Variants in TMEM131L observed in about 807,000 individuals in gnomAD.
The protein encoded by TMEM131L is transmembrane 131 like, also known as transmembrane protein 131-like.
In TMEM131L, 54 loss-of-function variants were observed where a neutral mutation model predicts 192.2. The observed-to-expected ratio is 0.28, with a 90% CI of 0.23 to 0.35. The LOEUF (loss-of-function observed/expected upper bound fraction) is 0.35. Among genes scored for constraint, TMEM131L ranks in the 10% least tolerant of loss-of-function variants. The probability of loss-of-function intolerance (pLI) is 1.00; values close to 1 mark genes in which losing one functional copy is unlikely to be tolerated. For missense variants in TMEM131L, 1,888 were observed against 1,972.9 expected, an observed-to-expected ratio of 0.96 and a Z score of 0.82; for synonymous variants, 701 against 704.9, an observed-to-expected ratio of 0.99 and a Z score of 0.09.
At chr4:153,627,363 T>C (rs566542955) in intron 30 of TMEM131L, among the ~76,000 whole-genome samples, 2 of 152,264 alleles carry the variant, frequency 1.3e-5, no homozygotes, top group Non-Finnish European at 2.9e-5. Context: ...CTCATAGTTA[T>C]GTTAGTTAAT....
At chr4:153,536,856 C>T (rs1029249934) in intron 3 of TMEM131L, among the ~76,000 whole-genome samples, 6 of 152,106 alleles carry the variant, frequency 3.9e-5, no homozygotes, top group African/African-American at 1.4e-4. Flanking sequence ...AGTCCCAAAG[C>T]TGAAGAACTT....
At chr4:153,474,845 C>T (rs1034947886) in intron 3 of TMEM131L, among the ~76,000 whole-genome samples, 12 of 152,050 alleles carry the variant, frequency 7.9e-5, no homozygotes, top group African/African-American at 2.4e-4. Flanking sequence ...CATGAGCCAC[C>T]GCACTCGGTC....
At chr4:153,591,336 A>G (rs1731053593) in intron 17 of TMEM131L, 142 bp downstream of exon 17, 1 of 650,242 alleles carries the variant, frequency 1.5e-6, no homozygotes, top group Non-Finnish European at 2.4e-6. Context: ...GAGCAGTAAA[A>G]CTCTAAACAG....
At chr4:153,607,060 G>T (rs1037762763) in intron 25 of TMEM131L, among the ~76,000 whole-genome samples, 3 of 152,124 alleles carry the variant, frequency 2.0e-5, no homozygotes, top group African/African-American at 7.2e-5. Context: ...AATTGTTCAA[G>T]AATTTTAAAT....
In TMEM131L at chr4:153,580,911, A is replaced by G; in HGVS notation, c.738+8A>G. 6.4e-7 allele frequency: 1 copy of G among 1,570,660 alleles called. No individual in the cohort carries two copies. Reference sequence around the variant, plus strand: ...GTGTGTCAGCAATTAAAGGTAAAATAAAATGTGTAGTGTTTTCTCTCTGCT... The same window carrying G: ...GTGTGTCAGCAATTAAAGGTAAAATGAAATGTGTAGTGTTTTCTCTCTGCT... On this transcript the variant is annotated splice_region_variant and intron_variant, in intron 8 of 34. Coordinates refer to ENST00000409959, the MANE Select transcript of TMEM131L (RefSeq NM_001131007.2).
chr4:153,515,717 A>G (rs1394300900), intron 3 of TMEM131L, among the ~76,000 whole-genome samples: 1 of 152,214 alleles, frequency 6.6e-6, no homozygotes, highest in Non-Finnish European at 1.5e-5. Context: ...CAGGTAAAGT[A>G]TGATAGTTGC....
intron 31 of TMEM131L, among the ~76,000 whole-genome samples, chr4:153,629,525 T>G (rs1734072355): frequency 2.0e-5 from 3 of 152,240 alleles, no homozygotes; most frequent in Admixed American, 6.5e-5. Flanking sequence ...CTCTCTTGAC[T>G]GCCTTCTTCA....
intron 8 of TMEM131L, 52 bp from the exon 9 acceptor site, chr4:153,581,355 C>T: frequency 6.9e-7 from 1 of 1,441,384 alleles, no homozygotes; most frequent in Non-Finnish European, 9.2e-7. Context: ...TTTGAAACCA[C>T]AAAGTTGAGA....
intron 17 of TMEM131L, 91 bp downstream of exon 17, chr4:153,591,285 A>T (rs17279148): frequency 7.9e-7 from 1 of 1,262,986 alleles, no homozygotes; most frequent in Non-Finnish European, 1.1e-6. Flanking sequence ...TTTAGCTACC[A>T]TTTCAAAGCC....
chr4:153,590,002 T>C (rs1182865342), intron 16 of TMEM131L, among the ~76,000 whole-genome samples: 2 of 152,262 alleles, frequency 1.3e-5, no homozygotes, highest in African/African-American at 4.8e-5. Flanking sequence ...ATACTACCAT[T>C]GCATACCCAA....
Position 153,612,266 on chromosome 4 carries a change from G to T in TMEM131L, c.3433G>T (p.Val1145Leu). ...SRKNNGNNQQ[V>L]PVKNEVDHCE... ...GTTTATTAAAGGGAATAACCAGCAA[G>T]TACCTGTCAAGAATGAAGTAGATCA... Residue 1145 changes from valine (V) to leucine (L), a missense_variant, in exon 26 of 35, where the codon GTA becomes TTA. Val to Leu is a conservative substitution (Grantham distance 32). Coordinates refer to ENST00000409959, the MANE Select transcript of TMEM131L (RefSeq NM_001131007.2). 6.4e-7 allele frequency: 1 copy of T among 1,562,030 alleles called. No homozygotes were observed. Among genetic ancestry groups the T allele is most frequent in the Non-Finnish European group, 8.6e-7 (1 of 1,160,712 alleles).
At chr4:153,618,022 T>C (rs541718693) in intron 26 of TMEM131L, among the ~76,000 whole-genome samples, 6 of 152,342 alleles carry the variant, frequency 3.9e-5, no homozygotes, top group South Asian at 2.1e-4. Context: ...CTTAGTTTGC[T>C]AAGAAACTAA....
intron 3 of TMEM131L, among the ~76,000 whole-genome samples, chr4:153,477,452 A>G (rs1731623871): frequency 6.6e-6 from 1 of 152,126 alleles, no homozygotes; most frequent in Non-Finnish European, 1.5e-5. Context: ...ATTCAGCACT[A>G]GTTTCTTTTT....
intron 3 of TMEM131L, among the ~76,000 whole-genome samples, chr4:153,516,031 C>G (rs1455534547): frequency 6.6e-6 from 1 of 151,802 alleles, no homozygotes; most frequent in Non-Finnish European, 1.5e-5. Context: ...GGTCTCAGCT[C>G]AAATCCTTTG....
chr4:153,591,577 G>T (rs894558077), intron 17 of TMEM131L, among the ~76,000 whole-genome samples: 1 of 152,134 alleles, frequency 6.6e-6, no homozygotes, highest in African/African-American at 2.4e-5. Context: ...CATCCTTAGC[G>T]TGTTGACTTC....
At chr4:153,557,985 G>T (rs762260145) in intron 6 of TMEM131L, among the ~76,000 whole-genome samples, 4 of 152,182 alleles carry the variant, frequency 2.6e-5, no homozygotes, top group Non-Finnish European at 2.9e-5. Context: ...TGGCCAGGCT[G>T]GTCTCAAACT....
chr4:153,617,915 C>T (rs1356687886), intron 26 of TMEM131L, among the ~76,000 whole-genome samples: 5 of 148,766 alleles, frequency 3.4e-5, no homozygotes, highest in Non-Finnish European at 6.0e-5. Flanking sequence ...ATTTCATGTC[C>T]TTTGCCCATT....
At chr4:153,587,378 A>C (rs771355238) in intron 14 of TMEM131L, among the ~76,000 whole-genome samples, 1 of 152,064 alleles carries the variant, frequency 6.6e-6, no homozygotes, top group African/African-American at 2.4e-5. Context: ...AGACTAATCT[A>C]ATCTTTTTTT....
rs116176655 is a variant in TMEM131L, at chr4:153,542,468, C to T, written c.240-7605C>T. On this transcript the variant is annotated intron_variant, in intron 3 of 34. Transcript: ENST00000409959. ...GTGTAGTGAAGGGGCTGTGAATGCACGATCACATTCCCATTCAGCCACCCC... is the reference window on the plus strand; with the variant it reads ...GTGTAGTGAAGGGGCTGTGAATGCATGATCACATTCCCATTCAGCCACCCC... Among the ~76,000 whole-genome samples, 430 of 152,274 alleles carry T rather than the reference C, an allele frequency of 2.8e-3. 4 individuals are homozygous for T. Among genetic ancestry groups the T allele is most frequent in the African/African-American group, 9.9e-3 (411 of 41,546 alleles).
Sources: allele counts gnomAD v4.1 joint callset (sites outside exome capture counted in the v4.1 genomes callset), GRCh38; gene constraint gnomAD v4.1.1; transcripts MANE v1.5; gene names NCBI Gene and HGNC (gene_info 2026-07-23, HGNC 2026-07-21).